Variants in RNF150 observed in about 807,000 individuals in gnomAD.
RNF150 encodes ring finger protein 150.
In RNF150, 24 loss-of-function variants were observed where a neutral mutation model predicts 39.3. The ratio of observed to expected loss-of-function variants is 0.61; its 90% CI spans 0.44 to 0.86. RNF150 has a LOEUF of 0.86. RNF150 is among the 40% of genes least tolerant of loss of function. The pLI, the probability that RNF150 is intolerant of heterozygous loss-of-function variation, is 0.00. For synonymous variants in RNF150, 255 were observed against 227.3 expected (o/e 1.12, Z -1.10); for missense variants, 502 against 587.8 (o/e 0.85, Z 1.51).
chr4:141,132,631 C>T lies in RNF150; in HGVS notation c.178G>A (p.Ala60Thr). The stretch of plus-strand genomic sequence containing the variant: ...TGCAGCTCCGCGCCGCCGCCGCCCG[C>T]CGCCCCGGCCCCGGGGTCCGGCGCG... ...EPAPDPGAGA[A>T]GGGGAELHTE... The change falls in exon 1 of 7, where the codon GCG becomes ACG. Residue 60 changes from alanine to threonine, a missense_variant. By Grantham distance (58) the Ala-to-Thr change is moderately conservative. Coordinates refer to ENST00000515673, the MANE Select transcript of RNF150 (RefSeq NM_020724.2). This position sits in a 1 kb window ranked among gnomAD's most constrained non-coding sequence, Gnocchi z 4.9. 1 of 1,572,110 alleles carries T rather than the reference C, an allele frequency of 6.4e-7. No individual in the cohort carries two copies. The highest frequency in any genetic ancestry group is 8.6e-7 in the Non-Finnish European group (1 of 1,163,930).
At chr4:141,127,846 GA>G (rs1469021175) in intron 1 of RNF150, among the ~76,000 whole-genome samples, 1 of 151,864 alleles carries the variant, frequency 6.6e-6, no homozygotes, top group Non-Finnish European at 1.5e-5. Flanking sequence ...CTTTAAAAAA[GA>G]AAAAAATAAA....
chr4:141,056,835 C>A (rs970361193), intron 1 of RNF150, among the ~76,000 whole-genome samples: 1 of 152,034 alleles, frequency 6.6e-6, no homozygotes, highest in African/African-American at 2.4e-5. Context: ...TTCCCTTACT[C>A]CTCATTCTTG....
intron 1 of RNF150, among the ~76,000 whole-genome samples, chr4:140,993,781 T>C (rs1734272629): frequency 6.6e-6 from 1 of 152,206 alleles, no homozygotes; most frequent in Non-Finnish European, 1.5e-5. Context: ...CCCCTCACTC[T>C]ACCTTCATCT....
chr4:141,149,387 C>A (rs1219187798), intron 1 of RNF150, among the ~76,000 whole-genome samples: 1 of 150,242 alleles, frequency 6.7e-6, no homozygotes, highest in Non-Finnish European at 1.5e-5. Context: ...TCTTGCCCCC[C>A]TCCCACTCTT....
intron 2 of RNF150, among the ~76,000 whole-genome samples, chr4:140,950,133 T>C (rs776743382): frequency 2.6e-5 from 4 of 152,178 alleles, no homozygotes; most frequent in Non-Finnish European, 5.9e-5. Context: ...AATTTTAATC[T>C]GTCAAGCAAA....
intron 1 of RNF150, among the ~76,000 whole-genome samples, chr4:141,150,323 C>T (rs1727275440): frequency 6.6e-6 from 1 of 152,170 alleles, no homozygotes; most frequent in Admixed American, 6.5e-5. Flanking sequence ...TCTTTGACTC[C>T]TTGCCTTCTT....
intron 6 of RNF150, among the ~76,000 whole-genome samples, chr4:140,884,533 C>G (rs1190719443): frequency 1.3e-5 from 2 of 152,136 alleles, no homozygotes; most frequent in Admixed American, 6.6e-5. Flanking sequence ...TGTATGTAAT[C>G]TAATTGCAGA....
intron 1 of RNF150, among the ~76,000 whole-genome samples, chr4:141,162,772 C>G (rs1727537738): frequency 1.3e-5 from 2 of 152,140 alleles, no homozygotes; most frequent in African/African-American, 4.8e-5. Flanking sequence ...TGCTATCCAG[C>G]CCAGATACTG....
At chr4:140,984,823 G>T (rs931172480) in intron 1 of RNF150, among the ~76,000 whole-genome samples, 7 of 152,230 alleles carry the variant, frequency 4.6e-5, no homozygotes, top group Admixed American at 1.3e-4. Context: ...CTCCCTCACT[G>T]TGCTAGTGAA....
At chr4:141,107,283 A>G (rs1355373407) in intron 1 of RNF150, among the ~76,000 whole-genome samples, 1 of 152,316 alleles carries the variant, frequency 6.6e-6, no homozygotes, top group African/African-American at 2.4e-5. Flanking sequence ...CTTTTATAGC[A>G]TTTTTTATAT....
intron 1 of RNF150, among the ~76,000 whole-genome samples, chr4:141,010,485 G>T (rs1426614812): frequency 6.6e-6 from 1 of 152,158 alleles, no homozygotes; most frequent in Non-Finnish European, 1.5e-5. Context: ...CAGTACAAAT[G>T]GGGGCCTCAT....
chr4:141,147,888 A>G (rs2111135433), intron 1 of RNF150, among the ~76,000 whole-genome samples: 1 of 152,312 alleles, frequency 6.6e-6, no homozygotes, highest in East Asian at 1.9e-4. Flanking sequence ...AAAATCATCT[A>G]CTCAGAAATA....
chr4:140,882,410 G>A (rs1729411041), intron 6 of RNF150, among the ~76,000 whole-genome samples: 1 of 152,156 alleles, frequency 6.6e-6, no homozygotes, highest in Non-Finnish European at 1.5e-5. Context: ...TTCTGCTACT[G>A]TTGGGTGGAG....
chr4:141,004,172 A>G (rs1048083398), intron 1 of RNF150, among the ~76,000 whole-genome samples: 1 of 152,092 alleles, frequency 6.6e-6, no homozygotes, highest in African/African-American at 2.4e-5. Context: ...AACAACAAAA[A>G]TACATGATCC....
intron 6 of RNF150, among the ~76,000 whole-genome samples, chr4:140,875,689 A>G (rs1729128841): frequency 6.6e-6 from 1 of 152,094 alleles, no homozygotes; most frequent in African/African-American, 2.4e-5. Flanking sequence ...AACACATTAC[A>G]GTAAGCAACA....
At chr4:140,974,985 G>A (rs1733607888) in intron 1 of RNF150, among the ~76,000 whole-genome samples, 2 of 152,068 alleles carry the variant, frequency 1.3e-5, no homozygotes, top group African/African-American at 4.8e-5. Context: ...ACTGGGCATG[G>A]GGTCTCACAC....
chr4:140,925,745 T>G (rs528897792), intron 5 of RNF150, among the ~76,000 whole-genome samples: 1 of 152,240 alleles, frequency 6.6e-6, no homozygotes, highest in South Asian at 2.1e-4. Flanking sequence ...AAGTGATACC[T>G]TGACTCACAG....
intron 5 of RNF150, among the ~76,000 whole-genome samples, chr4:140,925,224 T>A (rs144393120): frequency 3.3e-5 from 5 of 152,312 alleles, no homozygotes; most frequent in Non-Finnish European, 7.4e-5. Context: ...CTGCCCTCAT[T>A]GCTGAGAGGG....
intron 1 of RNF150, among the ~76,000 whole-genome samples, chr4:141,154,623 G>A (rs922753606): frequency 3.3e-5 from 5 of 152,196 alleles, no homozygotes; most frequent in African/African-American, 1.2e-4. Context: ...ATATGCCCCT[G>A]TGCAACACAT....
Sources: allele counts gnomAD v4.1 joint callset (sites outside exome capture counted in the v4.1 genomes callset), GRCh38; gene constraint gnomAD v4.1.1; non-coding constraint Gnocchi (gnomAD v3.1); transcripts MANE v1.5; gene names NCBI Gene and HGNC (gene_info 2026-07-23, HGNC 2026-07-21).